CDH11: variants seen among roughly 807,000 people sequenced by gnomAD.
The protein encoded by CDH11 is cadherin-11.
A neutral mutation model predicts 67.8 loss-of-function variants in CDH11; 11 were observed. The observed-to-expected ratio is 0.16, with a 90% CI of 0.10 to 0.27. The LOEUF (loss-of-function observed/expected upper bound fraction) is 0.27, where lower values mean the gene tolerates loss of function less well. Among genes scored for constraint, CDH11 ranks in the 10% least tolerant of loss-of-function variants. The pLI, the probability that CDH11 is intolerant of heterozygous loss-of-function variation, is 1.00. For missense variants in CDH11, 847 were observed against 1,031.2 expected, an observed-to-expected ratio of 0.82 and a Z score of 2.45; for synonymous variants, 419 against 400.0, an observed-to-expected ratio of 1.05 and a Z score of -0.57.
chr16:64,946,589 A>G lies in CDH11; in HGVS notation c.*1014T>C, dbSNP rs1289117805. 20 of 1,033,402 alleles carry G rather than the reference A, an allele frequency of 1.9e-5. No homozygotes were observed. The highest frequency in any genetic ancestry group is 5.7e-5 in the Admixed American group (1 of 17,654). The allele number at this position is 1,033,402 out of a possible 1,614,324, so 64.0% of individuals were successfully genotyped here. A position where few individuals can be genotyped will look rare whatever the true frequency, so the allele number is the denominator to read the frequency against. ...CCAAGAATGTACAAAAAAGCTTTAC[A>G]TGATGTTACAGAATCTTGTCTGAAA... On this transcript the variant is annotated 3_prime_UTR_variant, in exon 13 of 13. Coordinates refer to ENST00000268603, the MANE Select transcript of CDH11 (RefSeq NM_001797.4).
At chr16:65,029,072 T>A (rs879304755) in intron 2 of CDH11, among the ~76,000 whole-genome samples, 1 of 152,182 alleles carries the variant, frequency 6.6e-6, no homozygotes, top group Non-Finnish European at 1.5e-5. Context: ...ATATCAAGAA[T>A]TTGATCTCAT....
intron 2 of CDH11, chr16:65,006,712 G>C (rs1386299064): frequency 6.6e-6 from 1 of 152,168 alleles, no homozygotes; most frequent in Non-Finnish European, 1.5e-5. Context: ...ATGGGTCAAG[G>C]TCTGATATGG....
At position 65,114,611 on chromosome 16, in the gene CDH11, C is replaced by T. The variant is rs368043100; in HGVS notation, c.-298+7269G>A. 5.9e-5 allele frequency among the ~76,000 whole-genome samples: 9 copies of T among 152,086 alleles called. No individual in the cohort carries two copies. In the East Asian group the frequency reaches 9.6e-4, roughly 16 times the overall value. On this transcript the variant is annotated intron_variant, in intron 1 of 12. Coordinates refer to ENST00000268603, the MANE Select transcript of CDH11 (RefSeq NM_001797.4). ...TTGTCTCTCTCTCCTTCCTTTTCCC[C>T]GGCAAACACAGACAGATATTCCCTT...
chr16:64,948,249 T>C, intron 12 of CDH11, 150 bp from the exon 13 acceptor site: 2 of 1,043,670 alleles, frequency 1.9e-6, no homozygotes, highest in Non-Finnish European at 2.7e-6. Context: ...CTGGAATCCC[T>C]AAGGATGTGT....
chr16:64,998,794 A>G lies in CDH11; in HGVS notation c.291T>C (p.Ala97=). Residue 97 remains alanine (A), a synonymous_variant, in exon 4 of 13, where the codon GCT becomes GCC. Coordinates refer to ENST00000268603, the MANE Select transcript of CDH11 (RefSeq NM_001797.4). ...NIKYILSGEG[A]GTIFVIDDKS... Reference sequence around the variant, plus strand: ...TGTCATCAATCACAAAAATGGTTCCAGCTCCTTCCCCTGAGAGAATGTATT... The same window carrying G: ...TGTCATCAATCACAAAAATGGTTCCGGCTCCTTCCCCTGAGAGAATGTATT... The G allele has an allele frequency of 1.2e-6, 2 of 1,614,132 alleles. No homozygotes were observed. Among genetic ancestry groups the G allele is most frequent in the Non-Finnish European group, 1.7e-6 (2 of 1,179,992 alleles).
intron 2 of CDH11, among the ~76,000 whole-genome samples, chr16:65,008,038 G>A (rs2073097263): frequency 6.6e-6 from 1 of 152,200 alleles, no homozygotes; most frequent in Admixed American, 6.5e-5. Context: ...TTCACAGAGT[G>A]ATAAATTATT....
At chr16:65,043,591 A>C (rs1160804772) in intron 2 of CDH11, among the ~76,000 whole-genome samples, 3 of 152,142 alleles carry the variant, frequency 2.0e-5, no homozygotes, top group Non-Finnish European at 2.9e-5. Flanking sequence ...GCTGAGGTGA[A>C]AGCTGCAAGT....
intron 7 of CDH11, chr16:64,986,342 G>A (rs1409663454): frequency 1.3e-5 from 2 of 152,054 alleles, no homozygotes; most frequent in East Asian, 1.9e-4. Flanking sequence ...CACTGAATTG[G>A]AGGCAAATGT....
At chr16:64,997,290 ACT>A (rs2072795207) in intron 4 of CDH11, among the ~76,000 whole-genome samples, 1 of 134,540 alleles carries the variant, frequency 7.4e-6, no homozygotes. Flanking sequence ...ACAGAGGGAG[ACT>A]CTGTCTCAAA....
At chr16:65,009,066 T>C (rs1463546476) in intron 2 of CDH11, among the ~76,000 whole-genome samples, 1 of 152,162 alleles carries the variant, frequency 6.6e-6, no homozygotes, top group Non-Finnish European at 1.5e-5. Context: ...GTAAAGGACC[T>C]GGGATTGAAC....
chr16:65,032,186 A>T (rs1384165216), intron 2 of CDH11, among the ~76,000 whole-genome samples: 1 of 152,070 alleles, frequency 6.6e-6, no homozygotes, highest in Non-Finnish European at 1.5e-5. Context: ...TAATTCCTAA[A>T]CTGGCAAACA....
rs192607091 is a variant in CDH11 at position 64,970,421 on chromosome 16, C to T, written c.1642+1158G>A. 2.0e-3 allele frequency among the ~76,000 whole-genome samples: 305 copies of T among 152,122 alleles called. 3 individuals are homozygous for T. The highest frequency in any genetic ancestry group is 3.0e-3 in the Non-Finnish European group (204 of 68,000). On this transcript the variant is annotated intron_variant, in intron 11 of 12. Coordinates refer to ENST00000268603, the MANE Select transcript of CDH11 (RefSeq NM_001797.4). ...CTGAGAGCCTGGGTTTAAACCCAGC[C>T]GTAACTTTTATTTGGTTGATTGATT...
intron 2 of CDH11, among the ~76,000 whole-genome samples, chr16:65,047,426 A>T (rs1371481545): frequency 1.3e-5 from 2 of 151,266 alleles, no homozygotes; most frequent in African/African-American, 4.9e-5. Flanking sequence ...GTCTCAGCTC[A>T]CTGCAACCTC....
chr16:65,012,323 A>G (rs1477243744), intron 2 of CDH11, among the ~76,000 whole-genome samples: 1 of 152,230 alleles, frequency 6.6e-6, no homozygotes, highest in Non-Finnish European at 1.5e-5. Flanking sequence ...AGTGACAACT[A>G]AATCATAAAC....
intron 2 of CDH11, among the ~76,000 whole-genome samples, chr16:65,027,513 G>A (rs2073558254): frequency 6.6e-6 from 1 of 152,210 alleles, no homozygotes; most frequent in South Asian, 2.1e-4. Flanking sequence ...GCATTACTTT[G>A]TAAAGGAAAG....
intron 2 of CDH11, among the ~76,000 whole-genome samples, chr16:65,045,177 GTGTT>G (rs2073933430): frequency 1.3e-5 from 2 of 151,588 alleles, no homozygotes; most frequent in Admixed American, 6.6e-5. Flanking sequence ...ATTCTGAAAA[GTGTT>G]TGGGAGTGTT....
intron 11 of CDH11, among the ~76,000 whole-genome samples, chr16:64,969,916 A>G (rs570610874): frequency 2.6e-5 from 4 of 152,316 alleles, no homozygotes; most frequent in Admixed American, 2.6e-4. Context: ...ATCCATTTAC[A>G]TTAGTGCTTT....
intron 1 of CDH11, among the ~76,000 whole-genome samples, chr16:65,076,054 T>C (rs2074503549): frequency 6.6e-6 from 1 of 152,164 alleles, no homozygotes; most frequent in Non-Finnish European, 1.5e-5. Flanking sequence ...GGAGGGGCTG[T>C]GAGCTGCAGT....
chr16:64,981,097 C>CTTTTTTTTTTTTTTTTTTTT (rs71376752), intron 8 of CDH11: 1 of 116,468 alleles, frequency 8.6e-6, no homozygotes, highest in African/African-American at 3.8e-5. Flanking sequence ...TTCTTTCTTT[C>CTTTTTTTTTTTTTTTTTTTT]TTTTTTTTTT....
Sources: gnomAD v4.1 joint callset for allele counts (sites outside exome capture counted in the v4.1 genomes callset) on GRCh38, gnomAD v4.1.1 for gene constraint, MANE v1.5 for transcripts, NCBI Gene and HGNC (gene_info 2026-07-23, HGNC 2026-07-21) for gene names.